The following TRIOBP variants were observed in gnomAD, a reference collection of about 807,000 sequenced individuals.
TRIOBP encodes the protein TRIO and F-actin binding protein, also known as TRIO and F-actin-binding protein.
Under a neutral mutation model 238.8 loss-of-function variants are expected in TRIOBP, and 169 were observed. The observed-to-expected ratio is 0.71, with a 90% CI of 0.62 to 0.80. TRIOBP has a LOEUF of 0.80. Among genes scored for constraint, TRIOBP ranks in the 30% least tolerant of loss-of-function variants. The pLI is 0.00. For synonymous variants in TRIOBP, 1,150 were observed against 1,274.4 expected, an observed-to-expected ratio of 0.90 and a Z score of 2.08; for missense variants, 2,838 against 3,122.6, an observed-to-expected ratio of 0.91 and a Z score of 2.17.
chr22:37,735,535 G>A, intron 9 of TRIOBP, 93 bp downstream of exon 9: 1 of 1,421,990 alleles, frequency 7.0e-7, no homozygotes, highest in Non-Finnish European at 9.6e-7. Context: ...AGTAGCCTAA[G>A]CTCCTGCATC....
intron 11 of TRIOBP, chr22:37,750,609 C>T (rs528559097): frequency 1.3e-5 from 6 of 470,624 alleles, no homozygotes; most frequent in Non-Finnish European, 1.8e-5. Context: ...GGTTCTCGGC[C>T]GTGAGCAGAG....
chr22:37,721,024 A>ATTTTTTTTTTTTT (rs11312598), intron 6 of TRIOBP, among the ~76,000 whole-genome samples: 1 of 133,336 alleles, frequency 7.5e-6, no homozygotes, highest in African/African-American at 2.9e-5. Context: ...CATCCGGCTA[A>ATTTTTTTTTTTTT]TTTTTTTTTT....
rs541843168 is a variant in TRIOBP, at chr22:37,734,770, G to A, written c.4434G>A (p.Gly1478=). 6.2e-7 allele frequency: 1 copy of A among 1,612,218 alleles called. No homozygotes were observed. The highest frequency in any genetic ancestry group is 1.3e-5 in the African/African-American group (1 of 75,006). Residue 1478 remains glycine, a synonymous_variant, in exon 9 of 24, where the codon GGG becomes GGA. Coordinates refer to ENST00000644935, the MANE Select transcript of TRIOBP (RefSeq NM_001039141.3). ...GAAKAPEGAW[G]GTSREYKESW... ...CCAAAGCCCCGGAGGGAGCATGGGGGGGCACTTCCAGGGAGTACAAGGAGA... is the reference window on the plus strand; with the variant it reads ...CCAAAGCCCCGGAGGGAGCATGGGGAGGCACTTCCAGGGAGTACAAGGAGA...
rs59571998 is a variant in TRIOBP, at chr22:37,773,985, T to TAC, written c.*224_*225dup. 0.084 allele frequency: 12,547 copies of TAC among 149,308 alleles called. 1,731 individuals are homozygous for TAC. The highest frequency in any genetic ancestry group is 0.29 in the African/African-American group (11,629 of 40,318). The allele number at this position is 149,308 out of a possible 1,614,324, so 9.2% of individuals were successfully genotyped here. On this transcript the variant is annotated 3_prime_UTR_variant, in exon 24 of 24. Coordinates refer to ENST00000644935, the MANE Select transcript of TRIOBP (RefSeq NM_001039141.3). ...ACACGTGCACACATGTACACACGGA[T>TAC]ACACACACACACACACACACTGCAT...
Position 37,725,188 on chromosome 22 carries a change from C to CTT in TRIOBP, c.2633_2634insTT (p.Arg879Ter), listed in dbSNP as rs1357845519. 4 of 1,614,124 alleles carry CTT rather than the reference C, an allele frequency of 2.5e-6. No homozygotes were observed. Among genetic ancestry groups the CTT allele is most frequent in the Non-Finnish European group, 3.4e-6 (4 of 1,180,010 alleles). On this transcript the variant is annotated frameshift_variant, in exon 7 of 24. Transcript: ENST00000644935. LOFTEE classifies it high-confidence loss of function. ...TCAATGCTGCACCCAAAAGGAGAATCTGAGACCATCATCTCCCCACCGCTC... is the reference window on the plus strand; with the variant it reads ...TCAATGCTGCACCCAAAAGGAGAATCTTTGAGACCATCATCTCCCCACCGCTC...
chr22:37,716,919 C>T (rs1292603089), intron 6 of TRIOBP, among the ~76,000 whole-genome samples: 2 of 152,180 alleles, frequency 1.3e-5, no homozygotes, highest in Non-Finnish European at 2.9e-5. Context: ...GATGCAAAAT[C>T]CCTAGGGTGA....
chr22:37,731,618 G>A (rs1924424827), intron 7 of TRIOBP, among the ~76,000 whole-genome samples: 1 of 151,722 alleles, frequency 6.6e-6, no homozygotes, highest in African/African-American at 2.4e-5. Flanking sequence ...CACCACGCCT[G>A]GCTAAGTTTT....
intron 4 of TRIOBP, among the ~76,000 whole-genome samples, chr22:37,711,631 C>T (rs189715897): frequency 7.8e-5 from 11 of 141,122 alleles, no homozygotes; most frequent in Admixed American, 2.1e-4. Flanking sequence ...CACAAAAAAA[C>T]GAAAAAAAAA....
At chr22:37,738,510 C>T (rs1924788333) in intron 9 of TRIOBP, 132 bp from the exon 10 acceptor site, 2 of 828,766 alleles carry the variant, frequency 2.4e-6, no homozygotes, top group Non-Finnish European at 4.0e-6. Flanking sequence ...TGGATGGATA[C>T]ATGGATCTAC....
intron 11 of TRIOBP, among the ~76,000 whole-genome samples, chr22:37,744,541 TAGG>T (rs1925121636): frequency 6.6e-6 from 1 of 152,116 alleles, no homozygotes. Context: ...TTGCGGGTAC[TAGG>T]AGGAGTCGCA....
At chr22:37,767,357 C>T (rs549366351) in intron 18 of TRIOBP, among the ~76,000 whole-genome samples, 5 of 151,620 alleles carry the variant, frequency 3.3e-5, no homozygotes, top group South Asian at 2.1e-4. Flanking sequence ...TCAGAAGTTT[C>T]GGATTTTAGA....
chr22:37,752,977 A>C (rs1925703215), intron 12 of TRIOBP, among the ~76,000 whole-genome samples: 1 of 152,122 alleles, frequency 6.6e-6, no homozygotes. Flanking sequence ...AGGCCCATGG[A>C]GCTCCACCCA....
At chr22:37,707,255 G>A (rs576517978) in intron 3 of TRIOBP, among the ~76,000 whole-genome samples, 9 of 152,102 alleles carry the variant, frequency 5.9e-5, no homozygotes, top group African/African-American at 7.2e-5. Context: ...CAGCCTGGGC[G>A]ACAAGAGCGA....
chr22:37,752,075 T>C (rs1925641133), intron 12 of TRIOBP, among the ~76,000 whole-genome samples: 1 of 152,180 alleles, frequency 6.6e-6, no homozygotes, highest in South Asian at 2.1e-4. Context: ...CAAGAGTCTC[T>C]TGGCCCTGCC....
intron 9 of TRIOBP, among the ~76,000 whole-genome samples, chr22:37,737,742 G>A (rs976894041): frequency 4.0e-5 from 6 of 151,710 alleles, no homozygotes; most frequent in Admixed American, 3.9e-4. Flanking sequence ...CCTCATTGGT[G>A]CTGAGCTGGC....
chr22:37,758,410 C>T (rs1390966043), intron 16 of TRIOBP, among the ~76,000 whole-genome samples: 3 of 152,228 alleles, frequency 2.0e-5, no homozygotes, highest in African/African-American at 7.2e-5. Flanking sequence ...CTGCCAGGCT[C>T]ACACCTGTAA....
chr22:37,710,366 C>A, intron 3 of TRIOBP, 61 bp from the exon 4 acceptor site: 2 of 1,605,988 alleles, frequency 1.2e-6, no homozygotes, highest in South Asian at 2.2e-5. Context: ...AGGGGCTGTG[C>A]AGGGGGAGGG....
chr22:37,712,665 G>A (rs900467328), intron 4 of TRIOBP, among the ~76,000 whole-genome samples: 9 of 151,714 alleles, frequency 5.9e-5, no homozygotes, highest in Non-Finnish European at 1.0e-4. Flanking sequence ...TTACTTTAAA[G>A]GGATGCTGTT....
At chr22:37,749,713 G>T (rs183899232) in intron 11 of TRIOBP, among the ~76,000 whole-genome samples, 21 of 149,808 alleles carry the variant, frequency 1.4e-4, no homozygotes, top group African/African-American at 5.2e-4. Flanking sequence ...TTTGGAGGCC[G>T]AGGTGAGCGG....
Sources: gnomAD v4.1 joint callset for allele counts (sites outside exome capture counted in the v4.1 genomes callset) on GRCh38, gnomAD v4.1.1 for gene constraint, MANE v1.5 for transcripts, NCBI Gene and HGNC (gene_info 2026-07-23, HGNC 2026-07-21) for gene names.